The following HS3ST4 variants were observed in gnomAD, a reference collection of about 807,000 sequenced individuals.
The protein encoded by HS3ST4 is heparan sulfate glucosamine 3-O-sulfotransferase 4.
Under a neutral mutation model 29.2 loss-of-function variants are expected in HS3ST4, and 17 were observed. The observed-to-expected ratio is 0.58, with a 90% CI of 0.40 to 0.87. The LOEUF (loss-of-function observed/expected upper bound fraction) is 0.87, where lower values mean the gene tolerates loss of function less well. HS3ST4 is among the 40% of genes least tolerant of loss of function. The pLI, the probability that HS3ST4 is intolerant of heterozygous loss-of-function variation, is 0.00. For synonymous variants in HS3ST4, 314 were observed against 285.7 expected (o/e 1.10, Z -1.00); for missense variants, 627 against 634.5 (o/e 0.99, Z 0.13).
At chr16:25,904,545 C>G (rs1056295157) in intron 1 of HS3ST4, among the ~76,000 whole-genome samples, 31 of 152,328 alleles carry the variant, frequency 2.0e-4, no homozygotes, top group African/African-American at 7.5e-4. Context: ...AGGGCACTTT[C>G]ACTGGCTTGT....
intron 1 of HS3ST4, among the ~76,000 whole-genome samples, chr16:25,945,815 C>T (rs145353124): frequency 6.6e-6 from 1 of 152,262 alleles, no homozygotes; most frequent in Non-Finnish European, 1.5e-5. Context: ...CTTTCCATTC[C>T]ACCTTCATTC....
chr16:25,974,423 A>C (rs1173973906), intron 1 of HS3ST4, among the ~76,000 whole-genome samples: 2 of 152,160 alleles, frequency 1.3e-5, no homozygotes, highest in Admixed American at 6.5e-5. Context: ...CTGTTTTGAA[A>C]ATTGTGTTGA....
intron 1 of HS3ST4, among the ~76,000 whole-genome samples, chr16:25,919,010 G>T (rs1968320079): frequency 6.6e-6 from 1 of 152,234 alleles, no homozygotes; most frequent in South Asian, 2.1e-4. Flanking sequence ...GCTGTTAAAG[G>T]TTGGCAATGC....
chr16:25,829,569 C>T (rs1024535790), intron 1 of HS3ST4, among the ~76,000 whole-genome samples: 14 of 152,078 alleles, frequency 9.2e-5, no homozygotes, highest in African/African-American at 3.4e-4. Flanking sequence ...CTCTCCCTCC[C>T]CTTGCCCCGA....
chr16:25,760,229 G>C (rs1454835706), intron 1 of HS3ST4, among the ~76,000 whole-genome samples: 2 of 152,084 alleles, frequency 1.3e-5, no homozygotes, highest in Non-Finnish European at 2.9e-5. Context: ...TTTTCTCACA[G>C]TTCCAGAGGA....
chr16:25,804,572 C>G (rs777394122), intron 1 of HS3ST4, among the ~76,000 whole-genome samples: 4 of 152,154 alleles, frequency 2.6e-5, no homozygotes, highest in Non-Finnish European at 5.9e-5. Context: ...CTGAGCAATT[C>G]TGCTTGAAAA....
At chr16:26,115,283 ACAC>A (rs1899187653) in intron 1 of HS3ST4, among the ~76,000 whole-genome samples, 1 of 151,872 alleles carries the variant, frequency 6.6e-6, no homozygotes, top group Non-Finnish European at 1.5e-5. Flanking sequence ...ACACACACAC[ACAC>A]AAGTATAAAC....
At chr16:26,093,024 G>C (rs1205797353) in intron 1 of HS3ST4, among the ~76,000 whole-genome samples, 1 of 152,214 alleles carries the variant, frequency 6.6e-6, no homozygotes, top group East Asian at 1.9e-4. Flanking sequence ...TGAGGCGGCA[G>C]CCTGGCCGGG....
intron 1 of HS3ST4, among the ~76,000 whole-genome samples, chr16:25,805,206 CACA>C (rs1966978287): frequency 6.6e-6 from 1 of 152,140 alleles, no homozygotes; most frequent in South Asian, 2.1e-4. Flanking sequence ...TGTAGCAAGC[CACA>C]GATACACTTG....
At chr16:25,702,569 C>T (rs1308987635) in intron 1 of HS3ST4, among the ~76,000 whole-genome samples, 1 of 152,080 alleles carries the variant, frequency 6.6e-6, no homozygotes, top group African/African-American at 2.4e-5. Flanking sequence ...CCTTTTCTTT[C>T]CCATTCTTGT....
chr16:25,846,045 C>A (rs1270257630), intron 1 of HS3ST4, among the ~76,000 whole-genome samples: 1 of 152,178 alleles, frequency 6.6e-6, no homozygotes, highest in Non-Finnish European at 1.5e-5. Flanking sequence ...TTTTCTTCCA[C>A]AATGAGAAGC....
chr16:26,109,275 C>T (rs1034658113), intron 1 of HS3ST4, among the ~76,000 whole-genome samples: 5 of 152,138 alleles, frequency 3.3e-5, no homozygotes, highest in Middle Eastern at 3.2e-3. Flanking sequence ...TCTATTTCAG[C>T]GGCCCCGTTT....
chr16:26,108,211 C>A (rs1899081666), intron 1 of HS3ST4, among the ~76,000 whole-genome samples: 1 of 152,064 alleles, frequency 6.6e-6, no homozygotes. Flanking sequence ...TGATGTTGAG[C>A]CTTTTTTCAT....
intron 1 of HS3ST4, among the ~76,000 whole-genome samples, chr16:25,798,782 T>A (rs938848026): frequency 2.0e-5 from 3 of 152,310 alleles, no homozygotes; most frequent in African/African-American, 7.2e-5. Flanking sequence ...CCTCATTCTT[T>A]AGATGCTTGT....
At chr16:25,778,726 GAGGAGA>G (rs1339459612) in intron 1 of HS3ST4, among the ~76,000 whole-genome samples, 4 of 151,812 alleles carry the variant, frequency 2.6e-5, no homozygotes, top group African/African-American at 4.8e-5. Context: ...GCAGGAGAAG[GAGGAGA>G]AGGAGAAGGA....
intron 1 of HS3ST4, among the ~76,000 whole-genome samples, chr16:25,979,402 C>G (rs1385549546): frequency 6.6e-6 from 1 of 152,176 alleles, no homozygotes; most frequent in Non-Finnish European, 1.5e-5. Context: ...CAGCCACCCC[C>G]TATTGTTCAC....
intron 1 of HS3ST4, among the ~76,000 whole-genome samples, chr16:25,981,080 G>A (rs1968999361): frequency 6.6e-6 from 1 of 152,262 alleles, no homozygotes. Context: ...TTTAGAGGCT[G>A]GGCACGGTGC....
At chr16:25,885,695 A>G in intron 1 of HS3ST4, among the ~76,000 whole-genome samples, 1 of 152,018 alleles carries the variant, frequency 6.6e-6, no homozygotes, top group East Asian at 1.9e-4. Flanking sequence ...ATGTAACATT[A>G]TATATATTAT....
intron 1 of HS3ST4, among the ~76,000 whole-genome samples, chr16:25,994,582 T>C (rs1969143135): frequency 6.6e-6 from 1 of 152,224 alleles, no homozygotes; most frequent in African/African-American, 2.4e-5. Flanking sequence ...GAAGTATTTA[T>C]GTCTTTAAAT....
Sources: gnomAD v4.1 joint callset for allele counts (sites outside exome capture counted in the v4.1 genomes callset) on GRCh38, gnomAD v4.1.1 for gene constraint, MANE v1.5 for transcripts, NCBI Gene and HGNC (gene_info 2026-07-23, HGNC 2026-07-21) for gene names.